The following TDRD10 variants were observed in gnomAD, a reference collection of about 807,000 sequenced individuals.
TDRD10 encodes the protein tudor domain-containing protein 10.
A neutral mutation model predicts 48.0 loss-of-function variants in TDRD10; 40 were observed. That is an observed-to-expected ratio of 0.83 (90% confidence interval 0.65 to 1.09). The LOEUF is 1.09. Among genes scored for constraint, TDRD10 ranks in the 50% least tolerant of loss-of-function variants. The pLI, the probability that TDRD10 is intolerant of heterozygous loss-of-function variation, is 0.00. For missense variants in TDRD10, 378 were observed against 434.7 expected (o/e 0.87, Z 1.16); for synonymous variants, 162 against 170.4 (o/e 0.95, Z 0.38).
chr1:154,547,930 A>G lies in TDRD10; in HGVS notation c.*220A>G, dbSNP rs148243042. 1.1e-3 allele frequency: 680 copies of G among 604,676 alleles called. 2 individuals carry two copies. In the African/African-American group the frequency reaches 0.012, roughly 10 times the overall value. 37.5% of individuals were successfully genotyped at this position (604,676 alleles called of 1,614,324 possible). On this transcript the variant is annotated 3_prime_UTR_variant, in exon 13 of 13. Transcript: ENST00000368482. ...TTCAGTTCCCCAACTTGGCATGAAC[A>G]TTTGAACCAAACATAGGAAACTACC...
chr1:154,528,195 A>G (rs557064904), intron 6 of TDRD10, among the ~76,000 whole-genome samples: 1 of 148,490 alleles, frequency 6.7e-6, no homozygotes, highest in East Asian at 2.0e-4. Context: ...CCTGGTCAAC[A>G]TAGGGAAACC....
chr1:154,533,723 G>A (rs916484641), intron 6 of TDRD10, among the ~76,000 whole-genome samples: 3 of 151,664 alleles, frequency 2.0e-5, no homozygotes, highest in South Asian at 4.2e-4. Flanking sequence ...CTGCAGCCTC[G>A]AACTCCTGGG....
chr1:154,505,781 A>G (rs1693114520), intron 1 of TDRD10, among the ~76,000 whole-genome samples: 1 of 105,580 alleles, frequency 9.5e-6, no homozygotes, highest in Non-Finnish European at 2.4e-5. Context: ...ATGGGAAGAT[A>G]ATACTCACGG....
At chr1:154,517,974 G>C (rs1693863821) in intron 4 of TDRD10, among the ~76,000 whole-genome samples, 1 of 152,190 alleles carries the variant, frequency 6.6e-6, no homozygotes, top group Admixed American at 6.5e-5. Context: ...TGAATGTTTG[G>C]TGTTGTCCAA....
chr1:154,526,645 G>A (rs1468347101), intron 6 of TDRD10, among the ~76,000 whole-genome samples: 1 of 151,952 alleles, frequency 6.6e-6, no homozygotes, highest in Non-Finnish European at 1.5e-5. Flanking sequence ...TGTAGAGACA[G>A]GGTTTCACCA....
chr1:154,509,411 A>G (rs988685712), intron 4 of TDRD10, among the ~76,000 whole-genome samples: 2 of 152,134 alleles, frequency 1.3e-5, no homozygotes, highest in Non-Finnish European at 2.9e-5. Flanking sequence ...ATGTGGTTTT[A>G]TTAAATTATT....
intron 6 of TDRD10, among the ~76,000 whole-genome samples, chr1:154,529,788 G>A (rs1021989422): frequency 2.0e-5 from 3 of 151,756 alleles, no homozygotes; most frequent in African/African-American, 4.8e-5. Flanking sequence ...CAGGTGATCC[G>A]CCTGTCTTGG....
chr1:154,527,491 A>C (rs1365719296), intron 6 of TDRD10, among the ~76,000 whole-genome samples: 2 of 152,226 alleles, frequency 1.3e-5, no homozygotes, highest in African/African-American at 4.8e-5. Context: ...TACTAGGTGG[A>C]TTATAAACTT....
rs569060184 is a variant in TDRD10 at position 154,520,876 on chromosome 1, T to A, written c.213-447T>A. Among the ~76,000 whole-genome samples, 4 of 152,280 alleles carry A rather than the reference T, an allele frequency of 2.6e-5. 1 individual carries two copies. The South Asian group carries it at 8.3e-4, about 32-fold the overall frequency. ...CCTCAGCCTCCGAAGTAGCTGGGAC[T>A]ACAGGTGTACACCACCACATCCGGC... On this transcript the variant is annotated intron_variant, in intron 5 of 12. Transcript: ENST00000368482.
intron 2 of TDRD10, 64 bp from the exon 3 acceptor site, chr1:154,507,177 G>GAA: frequency 2.7e-6 from 4 of 1,456,832 alleles, no homozygotes; most frequent in Non-Finnish European, 3.6e-6. Context: ...GCTTATGCCT[G>GAA]ACACGTTTCC....
At chr1:154,535,194 C>T (rs1694857722) in intron 6 of TDRD10, among the ~76,000 whole-genome samples, 1 of 151,982 alleles carries the variant, frequency 6.6e-6, no homozygotes, top group African/African-American at 2.4e-5. Flanking sequence ...TGGTGAAACT[C>T]CATCTCTATT....
intron 8 of TDRD10, among the ~76,000 whole-genome samples, chr1:154,543,036 G>A (rs1695334429): frequency 6.6e-6 from 1 of 152,152 alleles, no homozygotes. Context: ...AGCACTTTGG[G>A]AGGCCAAAGT....
rs943811541 is a variant in TDRD10 at position 154,532,499 on chromosome 1, G to A, written c.370-9525G>A. 8.1e-4 allele frequency among the ~76,000 whole-genome samples: 124 copies of A among 152,212 alleles called. 1 individual carries two copies. Among genetic ancestry groups the A allele is most frequent in the Admixed American group, 7.5e-3 (114 of 15,292 alleles). Reference sequence around the variant, plus strand: ...AGCCGAGGGAGCCAGCTCTGGCCTCGGCCAGCCCAGAGAAGGGCTCCCACG... The same window carrying A: ...AGCCGAGGGAGCCAGCTCTGGCCTCAGCCAGCCCAGAGAAGGGCTCCCACG... On this transcript the variant is annotated intron_variant, in intron 6 of 12. Coordinates refer to ENST00000368482, the MANE Select transcript of TDRD10 (RefSeq NM_182499.4).
chr1:154,529,699 C>G (rs1468026356), intron 6 of TDRD10, among the ~76,000 whole-genome samples: 3 of 151,898 alleles, frequency 2.0e-5, no homozygotes, highest in Non-Finnish European at 4.4e-5. Context: ...GCGCCCACCA[C>G]CACACCGGCT....
chr1:154,503,695 C>T (rs933454604), intron 1 of TDRD10, among the ~76,000 whole-genome samples: 3 of 152,196 alleles, frequency 2.0e-5, no homozygotes, highest in African/African-American at 7.2e-5. Context: ...ACTAAATGTG[C>T]TGAAGGGGCT....
rs759650346 is a variant in TDRD10, at chr1:154,542,808, C to T, written c.490C>T (p.Pro164Ser). The T allele has an allele frequency of 6.8e-6, 11 of 1,613,656 alleles. No individual in the cohort carries two copies. Among genetic ancestry groups the T allele is most frequent in the Non-Finnish European group, 7.6e-6 (9 of 1,179,770 alleles). ...EKLRAAFFAV[P>S]LEMRGSFLVL... ...ACTGAGGGCAGCCTTCTTTGCAGTC[C>T]CGTTGGAAATGAGGTGAGCAAGGTA... Residue 164 changes from proline to serine, a missense_variant, in exon 8 of 13, where the codon CCG becomes TCG. Physicochemically the swap from Pro to Ser is moderately conservative, Grantham distance 74 (BLOSUM62 -1). Transcript: ENST00000368482.
At chr1:154,528,592 G>T (rs1694436238) in intron 6 of TDRD10, among the ~76,000 whole-genome samples, 1 of 152,130 alleles carries the variant, frequency 6.6e-6, no homozygotes, top group South Asian at 2.1e-4. Context: ...TGTAATCCCA[G>T]CACTTTGGGA....
At chr1:154,527,808 G>A (rs1694391922) in intron 6 of TDRD10, among the ~76,000 whole-genome samples, 1 of 152,160 alleles carries the variant, frequency 6.6e-6, no homozygotes, top group African/African-American at 2.4e-5. Flanking sequence ...TTCAAATATG[G>A]CCTACTGCCC....
chr1:154,507,842 T>C (rs5018567), intron 3 of TDRD10, among the ~76,000 whole-genome samples: 89,864 of 152,040 alleles, frequency 0.59, 27,156 homozygotes, highest in East Asian at 0.76. Context: ...TCAGCTTTTT[T>C]GTATCTCCAT....
Sources: allele counts gnomAD v4.1 joint callset (sites outside exome capture counted in the v4.1 genomes callset), GRCh38; gene constraint gnomAD v4.1.1; transcripts MANE v1.5; gene names NCBI Gene and HGNC (gene_info 2026-07-23, HGNC 2026-07-21).